Variants in CDK19 observed in about 807,000 individuals in gnomAD.
The protein encoded by CDK19 is cyclin-dependent kinase 19.
Under a neutral mutation model 68.3 loss-of-function variants are expected in CDK19, and 20 were observed. The observed-to-expected ratio is 0.29, with a 90% CI of 0.21 to 0.43. CDK19 has a LOEUF of 0.43. CDK19 is among the 20% of genes least tolerant of loss of function. The probability of loss-of-function intolerance (pLI) is 1.00; values close to 1 mark genes in which losing one functional copy is unlikely to be tolerated. For synonymous variants in CDK19, 221 were observed against 222.8 expected, an observed-to-expected ratio of 0.99 and a Z score of 0.07; for missense variants, 339 against 623.5, an observed-to-expected ratio of 0.54 and a Z score of 4.86.
chr6:110,625,654 C>T (rs1042191118), intron 8 of CDK19, among the ~76,000 whole-genome samples: 1 of 152,090 alleles, frequency 6.6e-6, no homozygotes, highest in Non-Finnish European at 1.5e-5. Context: ...GAGTTATCCA[C>T]ATAATTGATG....
chr6:110,638,938 C>T (rs1036439108), intron 4 of CDK19, among the ~76,000 whole-genome samples: 4 of 152,142 alleles, frequency 2.6e-5, no homozygotes, highest in Admixed American at 6.5e-5. Flanking sequence ...TTATATCATA[C>T]AAATAATTAC....
At chr6:110,660,534 C>A (rs184734221) in intron 4 of CDK19, among the ~76,000 whole-genome samples, 1 of 152,042 alleles carries the variant, frequency 6.6e-6, no homozygotes. Flanking sequence ...GGAATGAGGT[C>A]GCCTGGGCAA....
At chr6:110,660,534 C>T (rs184734221) in intron 4 of CDK19, among the ~76,000 whole-genome samples, 8 of 152,160 alleles carry the variant, frequency 5.3e-5, no homozygotes, top group African/African-American at 1.7e-4. Context: ...GGAATGAGGT[C>T]GCCTGGGCAA....
At chr6:110,614,711 G>GTAA in intron 12 of CDK19, 45 bp from the exon 13 acceptor site, 2 of 1,604,762 alleles carry the variant, frequency 1.2e-6, no homozygotes, top group Non-Finnish European at 1.7e-6. Context: ...TGGAGGAAGA[G>GTAA]GATGACTCAA....
Position 110,690,142 on chromosome 6 carries a change from T to G in CDK19, c.205-19601A>C, listed in dbSNP as rs182303290. 2.1e-3 allele frequency among the ~76,000 whole-genome samples: 322 copies of G among 152,272 alleles called. 2 individuals carry two copies. The highest frequency in any genetic ancestry group is 7.5e-3 in the African/African-American group (311 of 41,564). On this transcript the variant is annotated intron_variant, in intron 2 of 12. Transcript: ENST00000368911. Reference sequence around the variant, plus strand: ...GTTCAACACTGCAGACAGTTAGGGCTTCCCCCACAGGAGCTCAGTATGTGT... The same window carrying G: ...GTTCAACACTGCAGACAGTTAGGGCGTCCCCCACAGGAGCTCAGTATGTGT...
At position 110,815,414 on chromosome 6, in the gene CDK19, T is replaced by A; in HGVS notation, c.-278A>T. ...CCCGCCTCCCTCCTTCATTTCCTTG[T>A]TTTGGAACCTGGTGGGCCGCGCCGT... On this transcript the variant is annotated 5_prime_UTR_variant, in exon 1 of 13. Transcript: ENST00000368911. The A allele has an allele frequency of 3.4e-6, 1 of 294,902 alleles. No homozygotes were observed. 18.3% of individuals were successfully genotyped at this position (294,902 alleles called of 1,614,324 possible).
At chr6:110,679,399 G>C (rs1463343986) in intron 2 of CDK19, among the ~76,000 whole-genome samples, 1 of 151,500 alleles carries the variant, frequency 6.6e-6, no homozygotes, top group Non-Finnish European at 1.5e-5. Context: ...GATCACCTGA[G>C]GTCAGGAGTT....
intron 1 of CDK19, among the ~76,000 whole-genome samples, chr6:110,765,147 G>A (rs1007687620): frequency 1.1e-4 from 17 of 151,890 alleles, no homozygotes; most frequent in African/African-American, 4.1e-4. Context: ...GCCAGGCATG[G>A]TGGCTCATGC....
intron 1 of CDK19, among the ~76,000 whole-genome samples, chr6:110,792,117 C>T (rs547267598): frequency 3.3e-5 from 5 of 151,742 alleles, no homozygotes; most frequent in Admixed American, 1.3e-4. Flanking sequence ...ACTATAGGCA[C>T]GTGCCACTAT....
chr6:110,713,607 G>T (rs934194108), intron 2 of CDK19, among the ~76,000 whole-genome samples: 1 of 151,898 alleles, frequency 6.6e-6, no homozygotes, highest in African/African-American at 2.4e-5. Context: ...TGTTGCCCAG[G>T]CTGATTTCTA....
intron 12 of CDK19, among the ~76,000 whole-genome samples, chr6:110,615,156 C>T (rs117105074): frequency 1.3e-5 from 2 of 152,208 alleles, no homozygotes; most frequent in East Asian, 3.9e-4. Flanking sequence ...CTAGGGGTAT[C>T]AGGAGTTCTA....
intron 2 of CDK19, among the ~76,000 whole-genome samples, chr6:110,691,191 G>A (rs576772757): frequency 2.6e-5 from 4 of 152,150 alleles, no homozygotes; most frequent in Middle Eastern, 3.4e-3. Flanking sequence ...AAGAAAACCC[G>A]AGGCCAGATG....
chr6:110,644,703 G>T (rs1350264830), intron 4 of CDK19, among the ~76,000 whole-genome samples: 2 of 151,980 alleles, frequency 1.3e-5, no homozygotes, highest in Non-Finnish European at 2.9e-5. Flanking sequence ...CCCGACCATG[G>T]AACAGAAAGC....
Position 110,719,956 on chromosome 6 carries a change from C to A in CDK19, c.204+26170G>T, listed in dbSNP as rs968315124. Among the ~76,000 whole-genome samples the A allele has an allele frequency of 2.0e-5, 3 of 147,406 alleles. No homozygotes were observed. In the South Asian group the frequency reaches 6.7e-4, roughly 33 times the overall value. ...ATGTTGGTCAGGTTGGTCTTGAACT[C>A]CTGACCTTGTGATCCGCCCCCCCCC... On this transcript the variant is annotated intron_variant, in intron 2 of 12. Coordinates refer to ENST00000368911, the MANE Select transcript of CDK19 (RefSeq NM_015076.5).
intron 2 of CDK19, among the ~76,000 whole-genome samples, chr6:110,743,412 C>T (rs941524016): frequency 2.0e-5 from 3 of 152,010 alleles, no homozygotes; most frequent in Non-Finnish European, 4.4e-5. Context: ...GAGGTTGTGG[C>T]GGGTGGATCA....
At chr6:110,783,168 G>A (rs961785196) in intron 1 of CDK19, among the ~76,000 whole-genome samples, 1 of 152,152 alleles carries the variant, frequency 6.6e-6, no homozygotes, top group Non-Finnish European at 1.5e-5. Context: ...TGACATGGGA[G>A]GAGGCAGCAC....
chr6:110,657,455 C>G (rs1781372512), intron 4 of CDK19, among the ~76,000 whole-genome samples: 3 of 151,910 alleles, frequency 2.0e-5, no homozygotes, highest in Non-Finnish European at 4.4e-5. Context: ...TGTTAATTGC[C>G]CAGGTATATA....
At position 110,780,399 on chromosome 6, in the gene CDK19, A is replaced by G. The variant is rs557034570; in HGVS notation, c.129-34198T>C. ...GTGACACTCTGTCTCAAAAAAAAAA[A>G]AAAAAAAAGTCACACTGTTGCCTTC... On this transcript the variant is annotated intron_variant, in intron 1 of 12. Coordinates refer to ENST00000368911, the MANE Select transcript of CDK19 (RefSeq NM_015076.5). Among the ~76,000 whole-genome samples, 88 of 151,812 alleles carry G rather than the reference A, an allele frequency of 5.8e-4. 1 individual carries two copies. The highest frequency in any genetic ancestry group is 2.2e-3 in the Admixed American group (33 of 15,228).
intron 5 of CDK19, among the ~76,000 whole-genome samples, chr6:110,636,913 T>C (rs569166480): frequency 2.0e-5 from 3 of 152,314 alleles, no homozygotes; most frequent in African/African-American, 7.2e-5. Context: ...AGATAGGACT[T>C]AGGAAAGGAA....
Sources: allele counts gnomAD v4.1 joint callset (sites outside exome capture counted in the v4.1 genomes callset), GRCh38; gene constraint gnomAD v4.1.1; transcripts MANE v1.5; gene names NCBI Gene and HGNC (gene_info 2026-07-23, HGNC 2026-07-21).